LIN7A: variants seen among roughly 807,000 people sequenced by gnomAD.
LIN7A encodes the protein lin-7 cell polarity scaffold A, also known as protein lin-7 homolog A.
A neutral mutation model predicts 29.8 loss-of-function variants in LIN7A; 25 were observed. That is an observed-to-expected ratio of 0.84 (90% CI 0.61 to 1.17). The LOEUF is 1.17. LIN7A is among the 50% of genes most tolerant of loss of function. LIN7A has a pLI of 0.00. For synonymous variants in LIN7A, 118 were observed against 107.5 expected (o/e 1.10, Z -0.60); for missense variants, 239 against 287.0 (o/e 0.83, Z 1.21).
chr12:80,897,769 C>T (rs1187238586), intron 1 of LIN7A, among the ~76,000 whole-genome samples: 2 of 151,964 alleles, frequency 1.3e-5, no homozygotes, highest in Non-Finnish European at 2.9e-5. Flanking sequence ...CGTGCCACTG[C>T]ATTCCAGCCT....
At chr12:80,799,580 A>T (rs1322967864) in intron 5 of LIN7A, among the ~76,000 whole-genome samples, 1 of 152,220 alleles carries the variant, frequency 6.6e-6, no homozygotes, top group African/African-American at 2.4e-5. Context: ...AAAAAATCAC[A>T]AGAGAAATTT....
At chr12:80,931,469 C>T (rs1005830736) in intron 1 of LIN7A, among the ~76,000 whole-genome samples, 8 of 151,934 alleles carry the variant, frequency 5.3e-5, no homozygotes, top group Admixed American at 2.0e-4. Flanking sequence ...GGCAAAAACC[C>T]GTCTCTATTA....
intron 4 of LIN7A, among the ~76,000 whole-genome samples, chr12:80,845,191 G>C (rs1197727238): frequency 2.0e-5 from 3 of 148,668 alleles, no homozygotes; most frequent in African/African-American, 7.5e-5. Context: ...GAGCTGAGAT[G>C]GCACCACTGC....
chr12:80,798,677 T>C (rs993914061), intron 5 of LIN7A, among the ~76,000 whole-genome samples: 35 of 151,456 alleles, frequency 2.3e-4, no homozygotes, highest in Non-Finnish European at 1.0e-4. Flanking sequence ...GAGTTTCACA[T>C]TTTTTTTTCA....
intron 2 of LIN7A, among the ~76,000 whole-genome samples, chr12:80,867,153 T>TGG (rs1257988322): frequency 6.6e-6 from 1 of 152,084 alleles, no homozygotes; most frequent in East Asian, 1.9e-4. Flanking sequence ...GGTCTTGCCA[T>TGG]GTTGACCAGT....
chr12:80,842,696 T>G (rs759183967), intron 4 of LIN7A, among the ~76,000 whole-genome samples: 32 of 152,176 alleles, frequency 2.1e-4, no homozygotes, highest in Admixed American at 8.5e-4. Flanking sequence ...CTGGGCTCAG[T>G]GTTTGTTAGA....
chr12:80,806,292 A>G (rs1870985310), intron 5 of LIN7A, among the ~76,000 whole-genome samples: 1 of 152,180 alleles, frequency 6.6e-6, no homozygotes, highest in Non-Finnish European at 1.5e-5. Context: ...TAACATTTCT[A>G]GCATATTATT....
Position 80,865,531 on chromosome 12 carries a change from T to A in LIN7A, c.202-17209A>T, listed in dbSNP as rs963291273. On this transcript the variant is annotated intron_variant, in intron 2 of 5. Coordinates refer to ENST00000552864, the MANE Select transcript of LIN7A (RefSeq NM_004664.4). Reference sequence around the variant, plus strand: ...TCAAGGAGGTCTTCCTTGAAACTGGTAGTTTAGCAGCTGTCATATTAGACA... The same window carrying A: ...TCAAGGAGGTCTTCCTTGAAACTGGAAGTTTAGCAGCTGTCATATTAGACA... 2.6e-5 allele frequency among the ~76,000 whole-genome samples: 4 copies of A among 152,154 alleles called. No individual in the cohort carries two copies. The South Asian group carries it at 8.3e-4, about 31-fold the overall frequency.
intron 4 of LIN7A, among the ~76,000 whole-genome samples, chr12:80,814,485 C>T (rs908508374): frequency 6.6e-6 from 1 of 152,064 alleles, no homozygotes; most frequent in Non-Finnish European, 1.5e-5. Flanking sequence ...GGCTTTTGTT[C>T]TATTTGCTTT....
At chr12:80,924,145 C>A (rs558230032) in intron 1 of LIN7A, among the ~76,000 whole-genome samples, 1 of 152,186 alleles carries the variant, frequency 6.6e-6, no homozygotes, top group African/African-American at 2.4e-5. Context: ...TGGTACTGGG[C>A]ACTCATTAGG....
chr12:80,876,892 C>T (rs989862125), intron 2 of LIN7A, among the ~76,000 whole-genome samples: 2 of 151,994 alleles, frequency 1.3e-5, no homozygotes, highest in South Asian at 2.1e-4. Flanking sequence ...GAGGCCGAGG[C>T]GGGCGGATTA....
At chr12:80,841,320 A>G (rs1410531659) in intron 4 of LIN7A, among the ~76,000 whole-genome samples, 1 of 150,434 alleles carries the variant, frequency 6.6e-6, no homozygotes, top group Non-Finnish European at 1.5e-5. Context: ...AAGAAAAGAA[A>G]AGAAATGAAA....
At chr12:80,834,508 G>C (rs961340291) in intron 4 of LIN7A, among the ~76,000 whole-genome samples, 1 of 152,146 alleles carries the variant, frequency 6.6e-6, no homozygotes, top group African/African-American at 2.4e-5. Flanking sequence ...GTATCTATGA[G>C]AGAAGAGAAA....
chr12:80,891,512 G>A (rs1448698328), intron 1 of LIN7A, among the ~76,000 whole-genome samples: 6 of 152,154 alleles, frequency 3.9e-5, no homozygotes, highest in Admixed American at 1.3e-4. Context: ...ACCTGTTCCT[G>A]AAATGCAATT....
intron 1 of LIN7A, 115 bp downstream of exon 1, chr12:80,937,526 C>G (rs1456833402): frequency 1.4e-5 from 9 of 665,372 alleles, no homozygotes; most frequent in East Asian, 6.8e-5. Context: ...GGCTCGTCCT[C>G]GTTCCCCTTC....
intron 1 of LIN7A, among the ~76,000 whole-genome samples, chr12:80,918,630 T>G (rs1877140283): frequency 6.6e-6 from 1 of 152,232 alleles, no homozygotes; most frequent in Non-Finnish European, 1.5e-5. Flanking sequence ...TCCCTCATTT[T>G]CAATCTAAGC....
intron 1 of LIN7A, among the ~76,000 whole-genome samples, chr12:80,903,131 T>C (rs1876309749): frequency 6.6e-6 from 1 of 151,732 alleles, no homozygotes; most frequent in Admixed American, 6.6e-5. Context: ...ACTGCTTTAA[T>C]ATTTAAACAT....
chr12:80,910,045 T>A (rs1876677555), intron 1 of LIN7A, among the ~76,000 whole-genome samples: 1 of 152,188 alleles, frequency 6.6e-6, no homozygotes, highest in Non-Finnish European at 1.5e-5. Flanking sequence ...TTTCATTTGT[T>A]CAAGTCTTTA....
At chr12:80,916,314 G>A (rs1430876218) in intron 1 of LIN7A, among the ~76,000 whole-genome samples, 1 of 152,112 alleles carries the variant, frequency 6.6e-6, no homozygotes, top group Non-Finnish European at 1.5e-5. Flanking sequence ...CTTTAAAATA[G>A]TAACCCTGAG....
Sources: allele counts gnomAD v4.1 joint callset (sites outside exome capture counted in the v4.1 genomes callset), GRCh38; gene constraint gnomAD v4.1.1; transcripts MANE v1.5; gene names NCBI Gene and HGNC (gene_info 2026-07-23, HGNC 2026-07-21).